Variants in ZNF536 observed in about 807,000 individuals in gnomAD.
ZNF536 encodes the protein zinc finger protein 536.
In ZNF536, 13 loss-of-function variants were observed where a neutral mutation model predicts 84.5. The observed-to-expected ratio is 0.15, with a 90% confidence interval of 0.10 to 0.24. ZNF536 has a LOEUF of 0.24. Among genes scored for constraint, ZNF536 ranks in the 10% least tolerant of loss-of-function variants. The pLI is 1.00. For missense variants in ZNF536, 1,536 were observed against 1,747.5 expected (o/e 0.88, Z 2.16); for synonymous variants, 811 against 742.5 (o/e 1.09, Z -1.50).
chr19:30,432,006 T>TATATATATATATACACAC (rs149223384), intron 1 of ZNF536, among the ~76,000 whole-genome samples: 1 of 145,986 alleles, frequency 6.8e-6, no homozygotes, highest in African/African-American at 2.6e-5. Flanking sequence ...TATATATATA[T>TATATATATATATACACAC]ACACACACAC....
intron 1 of ZNF536, among the ~76,000 whole-genome samples, chr19:30,408,992 TATC>T (rs2050376497): frequency 1.3e-5 from 2 of 150,068 alleles, no homozygotes; most frequent in Admixed American, 1.3e-4. Context: ...ATTCATTCAT[TATC>T]ATCCATTGGT....
At chr19:30,670,334 G>T (rs977986758) in intron 1 of ZNF536, among the ~76,000 whole-genome samples, 2 of 152,222 alleles carry the variant, frequency 1.3e-5, no homozygotes, top group African/African-American at 4.8e-5. Flanking sequence ...CTCATTCGCT[G>T]AGTGGCCTTG....
intron 1 of ZNF536, among the ~76,000 whole-genome samples, chr19:30,440,031 G>A (rs954803260): frequency 1.5e-5 from 2 of 137,412 alleles, no homozygotes; most frequent in African/African-American, 5.6e-5. Flanking sequence ...CATGATCTCA[G>A]CTCACTGGAA....
At chr19:30,431,333 A>G (rs1450846248) in intron 1 of ZNF536, among the ~76,000 whole-genome samples, 1 of 152,184 alleles carries the variant, frequency 6.6e-6, no homozygotes, top group East Asian at 1.9e-4. Flanking sequence ...AAAAGGACCA[A>G]GGGCCCAGCC....
chr19:30,673,260 C>A (rs1169463154), intron 1 of ZNF536, among the ~76,000 whole-genome samples: 1 of 152,194 alleles, frequency 6.6e-6, no homozygotes, highest in Non-Finnish European at 1.5e-5. Context: ...AGAAGCCAAG[C>A]ACAGCGCCTG....
At chr19:30,529,471 A>G (rs541881986) in intron 2 of ZNF536, among the ~76,000 whole-genome samples, 6 of 152,242 alleles carry the variant, frequency 3.9e-5, no homozygotes, top group Admixed American at 1.3e-4. Context: ...GAGGATTCTA[A>G]AATGATCCGT....
intron 1 of ZNF536, among the ~76,000 whole-genome samples, chr19:30,404,019 C>CTTTTTTTTT (rs11336660): frequency 4.9e-5 from 6 of 123,362 alleles, no homozygotes; most frequent in Admixed American, 8.4e-5. Context: ...TTCCTTTCCT[C>CTTTTTTTTT]TTTTTTTTTT....
chr19:30,327,213 G>C (rs1048885735), intron 2 of ZNF536, among the ~76,000 whole-genome samples: 1 of 152,174 alleles, frequency 6.6e-6, no homozygotes, highest in Non-Finnish European at 1.5e-5. Flanking sequence ...TTTTGTTAAA[G>C]GACACAGCAT....
intron 1 of ZNF536, among the ~76,000 whole-genome samples, chr19:30,685,987 G>A (rs1036562409): frequency 6.6e-6 from 1 of 152,216 alleles, no homozygotes; most frequent in Non-Finnish European, 1.5e-5. Flanking sequence ...ACCCCAGTCT[G>A]TGGCAATGGC....
At chr19:30,468,275 C>T (rs1017688845) in intron 2 of ZNF536, among the ~76,000 whole-genome samples, 4 of 152,118 alleles carry the variant, frequency 2.6e-5, no homozygotes, top group African/African-American at 4.8e-5. Flanking sequence ...GAGGACTTGG[C>T]GATAAGGCTT....
rs935514192 is a variant in ZNF536, at chr19:30,622,049, C to A, written c.169+72535C>A. Reference sequence around the variant, plus strand: ...ACCTTTAGTAATCAAAACTAGCTCACCATCAACTTCCCGGCTTGAAACGTC... The same window carrying A: ...ACCTTTAGTAATCAAAACTAGCTCAACATCAACTTCCCGGCTTGAAACGTC... On this transcript the variant is annotated intron_variant, in intron 1 of 1. Transcript: ENST00000592773. Among the ~76,000 whole-genome samples the A allele has an allele frequency of 3.9e-5, 6 of 152,216 alleles. No homozygotes were observed. In the East Asian group the frequency reaches 9.6e-4, roughly 24 times the overall value.
intron 1 of ZNF536, among the ~76,000 whole-genome samples, chr19:30,677,416 C>T (rs1237149866): frequency 6.6e-6 from 1 of 152,244 alleles, no homozygotes; most frequent in African/African-American, 2.4e-5. Context: ...CTGCAGAGGG[C>T]AGCACAGTGA....
At chr19:30,506,768 A>G (rs1166400749) in intron 2 of ZNF536, among the ~76,000 whole-genome samples, 1 of 152,188 alleles carries the variant, frequency 6.6e-6, no homozygotes, top group Non-Finnish European at 1.5e-5. Context: ...TTTCCCCACA[A>G]CAAAAATAGC....
At chr19:30,270,908 AT>A (rs1185694027) in intron 1 of ZNF536, among the ~76,000 whole-genome samples, 1 of 151,964 alleles carries the variant, frequency 6.6e-6, no homozygotes, top group African/African-American at 2.4e-5. Context: ...TGTATAAAAC[AT>A]TTTCCATTCT....
At chr19:30,707,647 G>C (rs1367351450) in intron 1 of ZNF536, among the ~76,000 whole-genome samples, 1 of 152,172 alleles carries the variant, frequency 6.6e-6, no homozygotes, top group Non-Finnish European at 1.5e-5. Context: ...AAGTGGGAAG[G>C]TTGATGAAAT....
intron 3 of ZNF536, among the ~76,000 whole-genome samples, chr19:30,539,539 G>T (rs1320554613): frequency 6.6e-6 from 1 of 152,126 alleles, no homozygotes; most frequent in Non-Finnish European, 1.5e-5. Flanking sequence ...AACCATCACA[G>T]AAATACATCA....
chr19:30,305,616 A>G (rs2046319107), intron 2 of ZNF536, among the ~76,000 whole-genome samples: 1 of 152,186 alleles, frequency 6.6e-6, no homozygotes, highest in Non-Finnish European at 1.5e-5. Context: ...TGGCACCAAC[A>G]TTGGAGGCTG....
At chr19:30,315,431 A>G (rs1234038155) in intron 2 of ZNF536, among the ~76,000 whole-genome samples, 1 of 152,118 alleles carries the variant, frequency 6.6e-6, no homozygotes, top group Non-Finnish European at 1.5e-5. Context: ...AAAAGGAAGG[A>G]AGGATGATGG....
intron 2 of ZNF536, among the ~76,000 whole-genome samples, chr19:30,518,700 T>A (rs115751879): frequency 1.2e-3 from 190 of 152,298 alleles, no homozygotes; most frequent in African/African-American, 4.5e-3. Flanking sequence ...AATCGAGCAA[T>A]GTGATGTTGC....
Sources: allele counts gnomAD v4.1 joint callset (sites outside exome capture counted in the v4.1 genomes callset), GRCh38; gene constraint gnomAD v4.1.1; transcripts MANE v1.5; gene names NCBI Gene and HGNC (gene_info 2026-07-23, HGNC 2026-07-21).